LRP5: variants seen among roughly 807,000 people sequenced by gnomAD.
LRP5 encodes LDL receptor related protein 5, also known as low-density lipoprotein receptor-related protein 5.
Under a neutral mutation model 154.1 loss-of-function variants are expected in LRP5, and 62 were observed. The observed-to-expected ratio is 0.40, with a 90% CI of 0.33 to 0.50. The LOEUF is 0.50. LRP5 is among the 20% of genes least tolerant of loss of function. The pLI is 0.55. For synonymous variants in LRP5, 966 were observed against 1,011.5 expected, an observed-to-expected ratio of 0.96 and a Z score of 0.85; for missense variants, 1,915 against 2,336.7, an observed-to-expected ratio of 0.82 and a Z score of 3.72.
At chr11:68,339,428 A>G (rs542391405) in intron 1 of LRP5, among the ~76,000 whole-genome samples, 1 of 151,994 alleles carries the variant, frequency 6.6e-6, no homozygotes. Context: ...GCTCACTGCA[A>G]CCTCTGTTTC....
chr11:68,368,485 T>A (rs1488093422), intron 5 of LRP5, among the ~76,000 whole-genome samples: 1 of 152,188 alleles, frequency 6.6e-6, no homozygotes, highest in Non-Finnish European at 1.5e-5. Flanking sequence ...ACCTGTGTAG[T>A]CATATGAGGT....
chr11:68,384,468 G>A lies in LRP5; in HGVS notation c.1016-1848G>A, dbSNP rs551109621. Among the ~76,000 whole-genome samples the A allele has an allele frequency of 7.9e-5, 12 of 152,242 alleles. No homozygotes were observed. The South Asian group carries it at 2.5e-3, about 32-fold the overall frequency. On this transcript the variant is annotated intron_variant, in intron 5 of 22. Coordinates refer to ENST00000294304, the MANE Select transcript of LRP5 (RefSeq NM_002335.4). Reference sequence around the variant, plus strand: ...AGGGGTCTCTGACCCTGACCTTCTTGGCTCTGTGCATCCTTGAGACCAGAA... The same window carrying A: ...AGGGGTCTCTGACCCTGACCTTCTTAGCTCTGTGCATCCTTGAGACCAGAA...
In LRP5 at chr11:68,342,274, C is replaced by T. The variant is rs181246473; in HGVS notation, c.92-5573C>T. Among the ~76,000 whole-genome samples the T allele has an allele frequency of 3.7e-4, 57 of 152,244 alleles. No individual in the cohort carries two copies. The East Asian group carries it at 0.01, about 27-fold the overall frequency. On this transcript the variant is annotated intron_variant, in intron 1 of 22. Coordinates refer to ENST00000294304, the MANE Select transcript of LRP5 (RefSeq NM_002335.4). ...TCTCTCCCTCCCGTCGGGTTCTGCT[C>T]CTGCCACGTTCTCCCCTCTCCCCAC...
intron 9 of LRP5, among the ~76,000 whole-genome samples, chr11:68,407,272 G>C (rs1050362470): frequency 2.0e-5 from 3 of 151,168 alleles, no homozygotes; most frequent in African/African-American, 7.3e-5. Flanking sequence ...AGGTTCAAGC[G>C]ATTCTTCTGC....
rs183377804 is a variant in LRP5 at position 68,357,694 on chromosome 11, G to T, written c.533G>T (p.Arg178Leu). 2.8e-4 allele frequency: 453 copies of T among 1,613,990 alleles called. No individual in the cohort carries two copies. The highest frequency in any genetic ancestry group is 3.6e-4 in the Non-Finnish European group (429 of 1,180,020). The stretch of plus-strand genomic sequence containing the variant: ...TGGGGTGAGACGCCCCGGATTGAGC[G>T]GGCAGGGATGGATGGCAGCACCCGG... ...TDWGETPRIE[R>L]AGMDGSTRKI... The change falls in exon 3 of 23, where the codon CGG (arginine) becomes CTG (leucine). Residue 178 changes from arginine to leucine, a missense_variant. Physicochemically the swap from Arg to Leu is moderately radical, Grantham distance 102. Coordinates refer to ENST00000294304, the MANE Select transcript of LRP5 (RefSeq NM_002335.4).
intron 1 of LRP5, among the ~76,000 whole-genome samples, chr11:68,328,872 A>T (rs756337586): frequency 6.6e-6 from 1 of 152,210 alleles, no homozygotes; most frequent in Non-Finnish European, 1.5e-5. Context: ...TCTGCAGGAC[A>T]CGGCGCAGAG....
intron 5 of LRP5, among the ~76,000 whole-genome samples, chr11:68,375,433 G>A (rs1009335491): frequency 1.6e-4 from 24 of 152,330 alleles, no homozygotes; most frequent in Middle Eastern, 3.4e-3. Context: ...ACATCTGAGT[G>A]TGGACCTCCC....
At position 68,348,235 on chromosome 11, in the gene LRP5, C is replaced by T. The variant is rs377114189; in HGVS notation, c.480C>T (p.Pro160=). The change falls in exon 2 of 23, where the codon CCC becomes CCT. Residue 160 remains proline, a synonymous_variant. Transcript: ENST00000294304. ...AGCCGAGGGCCATCGCCTTGGACCCCGCTCACGGGTAAACCCTGCTGCGAC... is the reference window on the plus strand; with the variant it reads ...AGCCGAGGGCCATCGCCTTGGACCCTGCTCACGGGTAAACCCTGCTGCGAC... The part of the protein sequence containing the change: ...LDQPRAIALD[P]AHGYMYWTDW... 2.9e-5 allele frequency: 47 copies of T among 1,605,682 alleles called. No individual in the cohort carries two copies. The Middle Eastern group carries it at 8.3e-4, about 28-fold the overall frequency.
At chr11:68,421,095 C>T (rs923314173) in intron 13 of LRP5, among the ~76,000 whole-genome samples, 10 of 151,932 alleles carry the variant, frequency 6.6e-5, no homozygotes, top group Non-Finnish European at 1.0e-4. Context: ...GGTGTGGTGG[C>T]GGGCACCTGT....
intron 1 of LRP5, among the ~76,000 whole-genome samples, chr11:68,326,317 A>G (rs1234319992): frequency 3.9e-5 from 6 of 152,184 alleles, no homozygotes; most frequent in Non-Finnish European, 7.4e-5. Flanking sequence ...TTCAGAGGAC[A>G]TTGTTGAGGG....
chr11:68,321,058 G>GTTT (rs36049256), intron 1 of LRP5, among the ~76,000 whole-genome samples: 22 of 119,794 alleles, frequency 1.8e-4, no homozygotes, highest in South Asian at 2.6e-4. Flanking sequence ...TTCTGTCTGG[G>GTTT]TTTTTTTTTT....
Position 68,448,961 on chromosome 11 carries a change from A to G in LRP5, c.4739A>G (p.His1580Arg). 1 of 1,611,582 alleles carries G rather than the reference A, an allele frequency of 6.2e-7. No individual in the cohort carries two copies. Among genetic ancestry groups the G allele is most frequent in the Non-Finnish European group, 8.5e-7 (1 of 1,179,684 alleles). Residue 1580 changes from histidine to arginine, a missense_variant, in exon 23 of 23, where the codon CAC becomes CGC. His to Arg is a conservative substitution (Grantham distance 29). Transcript: ENST00000294304. ...SDPYPPPPTP[H>R]SQYLSAEDSC... ...CCCTATCCACCCCCACCCACGCCCCACAGCCAGTACCTGTCGGCGGAGGAC... is the reference window on the plus strand; with the variant it reads ...CCCTATCCACCCCCACCCACGCCCCGCAGCCAGTACCTGTCGGCGGAGGAC...
At chr11:68,378,173 G>A (rs2098638415) in intron 5 of LRP5, among the ~76,000 whole-genome samples, 1 of 149,770 alleles carries the variant, frequency 6.7e-6, no homozygotes, top group Non-Finnish European at 1.5e-5. Context: ...TTGTTTGTTT[G>A]TGAAAAAACC....
intron 1 of LRP5, among the ~76,000 whole-genome samples, chr11:68,315,183 C>T (rs574920684): frequency 2.0e-5 from 3 of 152,202 alleles, no homozygotes; most frequent in Admixed American, 6.5e-5. Context: ...TGTTATCTCA[C>T]CCCGTTCCTC....
At chr11:68,357,476 A>G (rs1472331462) in intron 2 of LRP5, among the ~76,000 whole-genome samples, 174 bp from the exon 3 acceptor site, 1 of 152,222 alleles carries the variant, frequency 6.6e-6, no homozygotes. Context: ...GAAATAGTAT[A>G]TTTTGATTGC....
rs1472661046 is a variant in LRP5 at position 68,363,755 on chromosome 11, T to C, written c.695T>C (p.Val232Ala). The C allele has an allele frequency of 2.9e-5, 47 of 1,608,988 alleles. No homozygotes were observed. The highest frequency in any genetic ancestry group is 4.0e-5 in the Non-Finnish European group (47 of 1,178,470). Residue 232 changes from valine to alanine, a missense_variant, in exon 4 of 23, where the codon GTG becomes GCG. By Grantham distance (64) the Val-to-Ala change is moderately conservative. This residue lies in a region of LRP5 where 773 missense variants were observed against 1,100.9 expected (regional missense o/e 0.70). Transcript: ENST00000294304. ...CGCTTCCCTGACTGCAGGCAGAAGGTGGTGGAGGGCAGCCTGACGCACCCC... is the reference window on the plus strand; with the variant it reads ...CGCTTCCCTGACTGCAGGCAGAAGGCGGTGGAGGGCAGCCTGACGCACCCC... ...ANLDGSFRQK[V>A]VEGSLTHPFA...
At position 68,320,445 on chromosome 11, in the gene LRP5, TTTC is replaced by T. The variant is rs540942881; in HGVS notation, c.91+7652_91+7654del. Among the ~76,000 whole-genome samples the T allele has an allele frequency of 4.9e-4, 74 of 152,024 alleles. 1 individual carries two copies. The highest frequency in any genetic ancestry group is 3.4e-3 in the Middle Eastern group (1 of 294). On this transcript the variant is annotated intron_variant, in intron 1 of 22. Transcript: ENST00000294304. ...TTTCTGTTGTCTTTTTCTTTTCTTTTTTCTTCTTCTTCTTTTTTTTTTTTTTTT... is the reference window on the plus strand; with the variant it reads ...TTTCTGTTGTCTTTTTCTTTTCTTTTTTCTTCTTCTTTTTTTTTTTTTTTT...
chr11:68,442,650 C>T (rs7106320), intron 21 of LRP5, among the ~76,000 whole-genome samples: 21,776 of 152,168 alleles, frequency 0.14, 1,696 homozygotes, highest in East Asian at 0.21. Flanking sequence ...TTGCTGCTAA[C>T]GATGTATAAA....
rs1591183556 is a variant in LRP5, at chr11:68,331,807, G to C, written c.92-16040G>C. On this transcript the variant is annotated intron_variant, in intron 1 of 22. Coordinates refer to ENST00000294304, the MANE Select transcript of LRP5 (RefSeq NM_002335.4). ...TGCAAGTGTGTGCATTAGGATTAGA[G>C]AGAATTCGATGGGGGGCCAGGGGCC... Among the ~76,000 whole-genome samples the C allele has an allele frequency of 2.0e-5, 3 of 152,050 alleles. No individual in the cohort carries two copies. In the East Asian group the frequency reaches 5.8e-4, roughly 29 times the overall value.
Sources: gnomAD v4.1 joint callset for allele counts (sites outside exome capture counted in the v4.1 genomes callset) on GRCh38, gnomAD v4.1.1 for gene constraint, gnomAD v4.1.1 regional missense constraint, MANE v1.5 for transcripts, NCBI Gene and HGNC (gene_info 2026-07-23, HGNC 2026-07-21) for gene names.